The following TENM4 variants were observed in gnomAD, a reference collection of about 807,000 sequenced individuals.
The protein encoded by TENM4 is teneurin-4.
TENM4 carries 82 observed loss-of-function variants against 243.3 expected under a neutral mutation model. That is an observed-to-expected ratio of 0.34 (90% CI 0.28 to 0.40). TENM4 has a LOEUF of 0.40. TENM4 is among the 10% of genes least tolerant of loss of function. The pLI, the probability that TENM4 is intolerant of heterozygous loss-of-function variation, is 1.00. For synonymous variants in TENM4, 1,412 were observed against 1,456.3 expected (o/e 0.97, Z 0.69); for missense variants, 3,138 against 3,673.3 (o/e 0.85, Z 3.77).
At chr11:79,026,927 CAGAG>C (rs373300937) in intron 6 of TENM4, among the ~76,000 whole-genome samples, 1 of 151,138 alleles carries the variant, frequency 6.6e-6, no homozygotes, top group Non-Finnish European at 1.5e-5. Flanking sequence ...TAGATTCTAA[CAGAG>C]AGAGAGAGAG....
At chr11:78,971,116 C>T (rs972027984) in intron 6 of TENM4, among the ~76,000 whole-genome samples, 24 of 152,094 alleles carry the variant, frequency 1.6e-4, no homozygotes, top group African/African-American at 5.1e-4. Flanking sequence ...CTTGAACTCC[C>T]GGGTTGAGGT....
intron 1 of TENM4, among the ~76,000 whole-genome samples, chr11:79,316,579 A>G (rs533693614): frequency 1.3e-5 from 2 of 152,222 alleles, no homozygotes; most frequent in Non-Finnish European, 2.9e-5. Context: ...ATTTTGTAAC[A>G]ATTTACATCA....
intron 2 of TENM4, among the ~76,000 whole-genome samples, chr11:79,227,289 C>T (rs1173918389): frequency 1.3e-5 from 2 of 152,182 alleles, no homozygotes; most frequent in African/African-American, 2.4e-5. Flanking sequence ...TCATTGGTTG[C>T]TGTCATTGGT....
chr11:78,704,607 G>A (rs1590953195), intron 27 of TENM4, among the ~76,000 whole-genome samples: 3 of 152,268 alleles, frequency 2.0e-5, no homozygotes, highest in Middle Eastern at 3.4e-3. Context: ...AGAACTGTAA[G>A]CACAGTGGGA....
chr11:78,820,041 ATCCCC>A (rs1857693214), intron 12 of TENM4, among the ~76,000 whole-genome samples: 1 of 152,154 alleles, frequency 6.6e-6, no homozygotes, highest in Non-Finnish European at 1.5e-5. Context: ...CACCTATTTC[ATCCCC>A]TTTGCTCCTG....
intron 1 of TENM4, among the ~76,000 whole-genome samples, chr11:79,424,752 G>C (rs1859013212): frequency 6.6e-6 from 1 of 152,176 alleles, no homozygotes; most frequent in Non-Finnish European, 1.5e-5. Flanking sequence ...GGTTAACACG[G>C]TGAAATCCCA....
At chr11:79,233,069 A>G (rs1297843071) in intron 2 of TENM4, among the ~76,000 whole-genome samples, 2 of 152,192 alleles carry the variant, frequency 1.3e-5, no homozygotes, top group Non-Finnish European at 2.9e-5. Flanking sequence ...AAGCCTTTGT[A>G]TATGCACAGT....
Position 78,901,931 on chromosome 11 carries a change from C to T in TENM4, c.749+1337G>A, listed in dbSNP as rs542513577. Among the ~76,000 whole-genome samples, 13 of 152,308 alleles carry T rather than the reference C, an allele frequency of 8.5e-5. No homozygotes were observed. The South Asian group carries it at 1.7e-3, about 19-fold the overall frequency. On this transcript the variant is annotated intron_variant, in intron 7 of 33. Coordinates refer to ENST00000278550, the MANE Select transcript of TENM4 (RefSeq NM_001098816.3). ...GGAGTAAAGTGGTACAAACAATGTT[C>T]ATTTTCTCTTACTGGCCTCCACAAG...
chr11:78,814,973 C>T (rs1857573928), intron 12 of TENM4, among the ~76,000 whole-genome samples: 1 of 152,204 alleles, frequency 6.6e-6, no homozygotes, highest in South Asian at 2.1e-4. Flanking sequence ...GTGTTCACCA[C>T]CCATCAGCCT....
chr11:79,128,170 A>G (rs1861921823), intron 4 of TENM4, among the ~76,000 whole-genome samples: 1 of 152,214 alleles, frequency 6.6e-6, no homozygotes, highest in South Asian at 2.1e-4. Flanking sequence ...AGGCCCTCAT[A>G]AGTAAATCAC....
intron 4 of TENM4, among the ~76,000 whole-genome samples, chr11:79,142,079 T>C (rs545431207): frequency 6.6e-6 from 1 of 152,214 alleles, no homozygotes; most frequent in Non-Finnish European, 1.5e-5. Context: ...ATGTGGAACG[T>C]AACAATGATG....
At chr11:79,133,836 G>C (rs1028709189) in intron 4 of TENM4, among the ~76,000 whole-genome samples, 15 of 152,168 alleles carry the variant, frequency 9.9e-5, no homozygotes, top group African/African-American at 3.1e-4. Flanking sequence ...CAGCATACAA[G>C]GGAGATACCT....
At chr11:79,375,866 G>A (rs1333242691) in intron 1 of TENM4, among the ~76,000 whole-genome samples, 2 of 152,128 alleles carry the variant, frequency 1.3e-5, no homozygotes, top group South Asian at 4.1e-4. Flanking sequence ...AGAAGGGGGC[G>A]GTGTGGCTGG....
At chr11:78,767,374 T>C (rs946307690) in intron 18 of TENM4, among the ~76,000 whole-genome samples, 5 of 152,228 alleles carry the variant, frequency 3.3e-5, no homozygotes, top group Admixed American at 2.6e-4. Context: ...GTTATTACGC[T>C]CTCGTAAGCC....
chr11:79,201,335 C>T (rs889521380), intron 3 of TENM4, among the ~76,000 whole-genome samples: 4 of 152,058 alleles, frequency 2.6e-5, no homozygotes, highest in African/African-American at 9.7e-5. Context: ...CTAGTGATGC[C>T]TCCTTTGGAA....
At chr11:79,317,822 C>T (rs1396926132) in intron 1 of TENM4, among the ~76,000 whole-genome samples, 1 of 152,160 alleles carries the variant, frequency 6.6e-6, no homozygotes, top group Non-Finnish European at 1.5e-5. Flanking sequence ...CAACTTGGCG[C>T]TTTCATTTCT....
At chr11:78,676,431 T>A in intron 29 of TENM4, 44 bp from the exon 30 acceptor site, 2 of 1,509,988 alleles carry the variant, frequency 1.3e-6, no homozygotes, top group Non-Finnish European at 1.8e-6. Flanking sequence ...GGAACGAAGG[T>A]GGAGGGAGGT....
At chr11:79,265,113 G>A (rs1187733504) in intron 2 of TENM4, among the ~76,000 whole-genome samples, 4 of 152,186 alleles carry the variant, frequency 2.6e-5, no homozygotes, top group Admixed American at 6.5e-5. Flanking sequence ...CCCTCAGTTT[G>A]AGACCCCGGA....
At chr11:78,675,927 G>A (rs939110839) in intron 30 of TENM4, among the ~76,000 whole-genome samples, 2 of 152,160 alleles carry the variant, frequency 1.3e-5, no homozygotes, top group South Asian at 4.1e-4. Context: ...ATATAAGCTG[G>A]AAATTCAACT....
Sources: gnomAD v4.1 joint callset for allele counts (sites outside exome capture counted in the v4.1 genomes callset) on GRCh38, gnomAD v4.1.1 for gene constraint, MANE v1.5 for transcripts, NCBI Gene and HGNC (gene_info 2026-07-23, HGNC 2026-07-21) for gene names.